PRKCB: variants seen among roughly 807,000 people sequenced by gnomAD.
PRKCB encodes protein kinase C beta type.
In PRKCB, 13 loss-of-function variants were observed where a neutral mutation model predicts 81.5. The observed-to-expected ratio is 0.16, with a 90% CI of 0.10 to 0.25. The LOEUF is 0.25. PRKCB is among the 10% of genes least tolerant of loss of function. The pLI is 1.00. For synonymous variants in PRKCB, 335 were observed against 321.4 expected, an observed-to-expected ratio of 1.04 and a Z score of -0.45; for missense variants, 509 against 875.7, an observed-to-expected ratio of 0.58 and a Z score of 5.29.
At chr16:24,157,313 C>T (rs1426939103) in intron 10 of PRKCB, among the ~76,000 whole-genome samples, 1 of 152,084 alleles carries the variant, frequency 6.6e-6, no homozygotes, top group Non-Finnish European at 1.5e-5. Context: ...AATTGTAGTT[C>T]CCATAATCCC....
chr16:23,885,235 A>G (rs1363502017), intron 2 of PRKCB, among the ~76,000 whole-genome samples: 1 of 152,174 alleles, frequency 6.6e-6, no homozygotes, highest in Non-Finnish European at 1.5e-5. Context: ...CTTTTTAACT[A>G]ACTGAATCAA....
intron 10 of PRKCB, among the ~76,000 whole-genome samples, chr16:24,169,050 C>G (rs1268035870): frequency 6.6e-6 from 1 of 152,058 alleles, no homozygotes; most frequent in Non-Finnish European, 1.5e-5. Context: ...TCCAGCCCCT[C>G]AGTCAGTCTG....
chr16:23,969,671 T>C (rs1264329203), intron 2 of PRKCB, among the ~76,000 whole-genome samples: 3 of 152,150 alleles, frequency 2.0e-5, no homozygotes, highest in Non-Finnish European at 2.9e-5. Flanking sequence ...GCCATCATCG[T>C]CATCATCATC....
At chr16:23,920,703 G>T (rs1963811648) in intron 2 of PRKCB, among the ~76,000 whole-genome samples, 1 of 152,176 alleles carries the variant, frequency 6.6e-6, no homozygotes, top group African/African-American at 2.4e-5. Context: ...GCTGCTCAGG[G>T]CTGGGGCAGA....
intron 2 of PRKCB, among the ~76,000 whole-genome samples, chr16:23,867,318 C>T (rs574421871): frequency 2.0e-5 from 3 of 152,066 alleles, no homozygotes; most frequent in Admixed American, 6.6e-5. Flanking sequence ...GACGGGGTTT[C>T]GCCATGTTGG....
intron 2 of PRKCB, among the ~76,000 whole-genome samples, chr16:23,882,012 T>TTCTTTCTTTCTTTC (rs1567301072): frequency 2.9e-5 from 3 of 101,888 alleles, no homozygotes; most frequent in African/African-American, 1.1e-4. Context: ...CTTTCTTTCT[T>TTCTTTCTTTCTTTC]TCTTTCTTTC....
intron 2 of PRKCB, among the ~76,000 whole-genome samples, chr16:23,881,255 T>TTA (rs1963102072): frequency 9.1e-6 from 1 of 110,314 alleles, no homozygotes; most frequent in Non-Finnish European, 2.1e-5. Flanking sequence ...TTTTCCCAGT[T>TTA]TTTTTTTTTT....
chr16:24,003,231 C>A (rs1280115381), intron 3 of PRKCB, among the ~76,000 whole-genome samples: 1 of 152,160 alleles, frequency 6.6e-6, no homozygotes, highest in Non-Finnish European at 1.5e-5. Context: ...CTTTAGTATG[C>A]CATCTGTTTC....
chr16:24,055,053 G>T (rs1362631013), intron 5 of PRKCB, among the ~76,000 whole-genome samples: 1 of 152,220 alleles, frequency 6.6e-6, no homozygotes, highest in Non-Finnish European at 1.5e-5. Flanking sequence ...CCAAGTGTAA[G>T]CTGGGGGTCC....
intron 9 of PRKCB, among the ~76,000 whole-genome samples, chr16:24,143,375 C>T (rs1202505735): frequency 1.7e-4 from 26 of 152,106 alleles, no homozygotes; most frequent in Admixed American, 1.7e-3. Flanking sequence ...TCAGATGATC[C>T]ACCTGCCGTG....
chr16:23,937,294 G>A (rs758585456), intron 2 of PRKCB, among the ~76,000 whole-genome samples: 1 of 152,164 alleles, frequency 6.6e-6, no homozygotes, highest in African/African-American at 2.4e-5. Flanking sequence ...CTGTTCTAAG[G>A]GATTTGTTGT....
chr16:24,143,439 G>A (rs1481661064), intron 9 of PRKCB, among the ~76,000 whole-genome samples: 4 of 152,076 alleles, frequency 2.6e-5, no homozygotes, highest in Admixed American at 1.3e-4. Context: ...GCCGAGATAG[G>A]ATCTTAAGAC....
At chr16:24,036,321 T>C (rs1285447564) in intron 5 of PRKCB, among the ~76,000 whole-genome samples, 1 of 152,136 alleles carries the variant, frequency 6.6e-6, no homozygotes, top group African/African-American at 2.4e-5. Flanking sequence ...TCAGCAGCAC[T>C]GGCTTGAGGA....
chr16:24,217,823 A>G lies in PRKCB; in HGVS notation c.*3007A>G. On this transcript the variant is annotated 3_prime_UTR_variant, in exon 17 of 17. Coordinates refer to ENST00000643927, the MANE Select transcript of PRKCB (RefSeq NM_002738.7). The stretch of plus-strand genomic sequence containing the variant: ...TCCAAATATACCTGCCTTTTAGCTC[A>G]CACACTGTCCTGGAGTTCTCAGACC... 1 of 985,444 alleles carries G rather than the reference A, an allele frequency of 1.0e-6. No homozygotes were observed. Among genetic ancestry groups the G allele is most frequent in the Non-Finnish European group, 1.2e-6 (1 of 829,958 alleles). The allele number at this position is 985,444 out of a possible 1,614,324, so 61.0% of individuals were successfully genotyped here.
intron 15 of PRKCB, 80 bp downstream of exon 15, chr16:24,185,647 C>A: frequency 2.6e-6 from 3 of 1,164,000 alleles, no homozygotes; most frequent in Non-Finnish European, 3.8e-6. Flanking sequence ...AACACCCCAC[C>A]AGGGGGGAAC....
chr16:24,115,430 C>A (rs1174358097), intron 8 of PRKCB, among the ~76,000 whole-genome samples: 1 of 150,106 alleles, frequency 6.7e-6, no homozygotes, highest in African/African-American at 2.5e-5. Flanking sequence ...AGAGCATTTA[C>A]CCAAGAGCAC....
chr16:24,109,665 G>C (rs1966645078), intron 7 of PRKCB, among the ~76,000 whole-genome samples: 1 of 132,550 alleles, frequency 7.5e-6, no homozygotes, highest in South Asian at 2.2e-4. Flanking sequence ...CCAGATGATG[G>C]GTGGCCAGGC....
At chr16:23,927,313 C>A (rs369768583) in intron 2 of PRKCB, among the ~76,000 whole-genome samples, 5 of 152,072 alleles carry the variant, frequency 3.3e-5, no homozygotes, top group African/African-American at 1.2e-4. Context: ...GATTGAAGAA[C>A]CAAAATCACT....
At chr16:23,876,605 T>C (rs1438724261) in intron 2 of PRKCB, among the ~76,000 whole-genome samples, 2 of 152,048 alleles carry the variant, frequency 1.3e-5, no homozygotes, top group African/African-American at 4.8e-5. Context: ...GACATTTGCG[T>C]ACCTCTCTGC....
Sources: gnomAD v4.1 joint callset for allele counts (sites outside exome capture counted in the v4.1 genomes callset) on GRCh38, gnomAD v4.1.1 for gene constraint, MANE v1.5 for transcripts, NCBI Gene and HGNC (gene_info 2026-07-23, HGNC 2026-07-21) for gene names.